The following COL5A1 variants were observed in gnomAD, a reference collection of about 807,000 sequenced individuals.
COL5A1 encodes the protein collagen alpha-1(V) chain.
In COL5A1, 16 loss-of-function variants were observed where a neutral mutation model predicts 263.7. The ratio of observed to expected loss-of-function variants is 0.06; its 90% CI spans 0.04 to 0.09. The LOEUF is 0.09. COL5A1 is among the 10% of genes least tolerant of loss of function. The pLI, the probability that COL5A1 is intolerant of heterozygous loss-of-function variation, is 1.00. For missense variants in COL5A1, 2,036 were observed against 2,540.5 expected, an observed-to-expected ratio of 0.80 and a Z score of 4.27; for synonymous variants, 1,012 against 1,004.5, an observed-to-expected ratio of 1.01 and a Z score of -0.14.
intron 36 of COL5A1, among the ~76,000 whole-genome samples, chr9:134,797,766 G>A (rs576017685): frequency 5.3e-5 from 8 of 152,214 alleles, no homozygotes; most frequent in East Asian, 1.9e-4. Flanking sequence ...TACAGCCACC[G>A]TGCCCGGAGC....
intron 46 of COL5A1, 31 bp from the exon 47 acceptor site, chr9:134,812,418 A>G (rs569649926): frequency 1.2e-6 from 2 of 1,612,188 alleles, no homozygotes; most frequent in African/African-American, 2.7e-5. Context: ...ATGACAGAAC[A>G]GCGCTTAACT....
At chr9:134,828,449 C>T (rs1333372672) in intron 63 of COL5A1, among the ~76,000 whole-genome samples, 5 of 148,378 alleles carry the variant, frequency 3.4e-5, no homozygotes, top group Non-Finnish European at 5.9e-5. Flanking sequence ...CACACACACA[C>T]ACACACGCAG....
Position 134,794,320 on chromosome 9 carries a change from T to C in COL5A1, c.2701-762T>C, listed in dbSNP as rs1837818704. ...AGCCTGGCGGCAGAGCAAGACTCTGTCTAAAAAAAAAAAAAAAGAAACAAA... is the reference window on the plus strand; with the variant it reads ...AGCCTGGCGGCAGAGCAAGACTCTGCCTAAAAAAAAAAAAAAAGAAACAAA... On this transcript the variant is annotated intron_variant, in intron 32 of 65. Coordinates refer to ENST00000371817, the MANE Select transcript of COL5A1 (RefSeq NM_000093.5). This position sits in a 1 kb window ranked among gnomAD's most constrained non-coding sequence, Gnocchi z 4.3. Among the ~76,000 whole-genome samples, 1 of 109,404 alleles carries C rather than the reference T, an allele frequency of 9.1e-6. No homozygotes were observed. Among genetic ancestry groups the C allele is most frequent in the Non-Finnish European group, 2.0e-5 (1 of 51,106 alleles). The allele number at this position is 109,404 out of a possible 152,430, so 71.8% of individuals were successfully genotyped here. A position where few individuals can be genotyped will look rare whatever the true frequency, so the allele number is the denominator to read the frequency against.
chr9:134,761,802 G>A, intron 18 of COL5A1, 123 bp from the exon 19 acceptor site: 1 of 993,972 alleles, frequency 1.0e-6, no homozygotes, highest in Non-Finnish European at 1.6e-6. Flanking sequence ...CCCCCATTCT[G>A]GAAGGGTCTT....
rs541669361 is a variant in COL5A1 at position 134,744,659 on chromosome 9, TCA to T, written c.1494+5858_1494+5859del. 1.5e-3 allele frequency among the ~76,000 whole-genome samples: 172 copies of T among 117,318 alleles called. 1 individual carries two copies. Among genetic ancestry groups the T allele is most frequent in the African/African-American group, 5.4e-3 (165 of 30,448 alleles). 77.0% of individuals were successfully genotyped at this position (117,318 alleles called of 152,430 possible). A position where few individuals can be genotyped will look rare whatever the true frequency, so the allele number is the denominator to read the frequency against. On this transcript the variant is annotated intron_variant, in intron 11 of 65. Coordinates refer to ENST00000371817, the MANE Select transcript of COL5A1 (RefSeq NM_000093.5). ...CACCCAGACATGCACACAGGTACGC[TCA>T]CACACATGCACACACATTCACACAT...
At chr9:134,644,105 G>A in intron 1 of COL5A1, among the ~76,000 whole-genome samples, 1 of 151,966 alleles carries the variant, frequency 6.6e-6, no homozygotes, top group South Asian at 2.1e-4. Flanking sequence ...AGTGAGTTTT[G>A]CCAACGTCTC....
chr9:134,763,970 C>A lies in COL5A1; in HGVS notation c.2034+233C>A, dbSNP rs1836560899. Among the ~76,000 whole-genome samples, 5 of 151,008 alleles carry A rather than the reference C, an allele frequency of 3.3e-5. No homozygotes were observed. In the South Asian group the frequency reaches 1.1e-3, roughly 32 times the overall value. On this transcript the variant is annotated intron_variant, in intron 20 of 65. Transcript: ENST00000371817. ...AGCCTGCCTACAGGAGCAAGCCTGG[C>A]CCTCAAGGGTTGTTGTGGGGGTCCA...
At chr9:134,768,743 C>T (rs1057102708) in intron 25 of COL5A1, among the ~76,000 whole-genome samples, 4 of 152,204 alleles carry the variant, frequency 2.6e-5, no homozygotes, top group East Asian at 1.9e-4. Context: ...GTCAGGCCTG[C>T]GTGCTGAGCC....
rs150603861 is a variant in COL5A1, at chr9:134,824,500, GA to G, written c.4699-98del. 3.5e-3 allele frequency: 5,240 copies of G among 1,501,784 alleles called. 154 individuals carry two copies. The African/African-American group carries it at 0.059, about 17-fold the overall frequency. The allele number at this position is 1,501,784 out of a possible 1,614,324, so 93.0% of individuals were successfully genotyped here. On this transcript the variant is annotated intron_variant, in intron 61 of 65. Coordinates refer to ENST00000371817, the MANE Select transcript of COL5A1 (RefSeq NM_000093.5). The stretch of plus-strand genomic sequence containing the variant: ...GTAGCCCAGGTTGCCAGGCCCCAGG[GA>G]ACCCCTGCAGATGTGGCCCCAGCTG...
At chr9:134,784,777 G>C (rs538456439) in intron 29 of COL5A1, among the ~76,000 whole-genome samples, 11 of 152,366 alleles carry the variant, frequency 7.2e-5, no homozygotes, top group Middle Eastern at 3.4e-3. Flanking sequence ...CTTCCGCAGA[G>C]CCCGGGAGCC....
chr9:134,786,003 C>T lies in COL5A1; in HGVS notation c.2601C>T (p.Leu867=), dbSNP rs767014646. The change falls in exon 31 of 66, where the codon CTC becomes CTT. Residue 867 remains leucine (L), a synonymous_variant. Coordinates refer to ENST00000371817, the MANE Select transcript of COL5A1 (RefSeq NM_000093.5). ...PLGPPGEKGK[L]GVPGLPGYPG... is the part of the protein sequence containing the mutation. ...ACTCTTTCTTCCCCCAGGGAAAACT[C>T]GGAGTCCCAGGGTTACCAGGGTATC... 1.5e-5 allele frequency: 25 copies of T among 1,613,190 alleles called. No individual in the cohort carries two copies. Among genetic ancestry groups the T allele is most frequent in the African/African-American group, 5.3e-5 (4 of 74,928 alleles).
intron 2 of COL5A1, among the ~76,000 whole-genome samples, chr9:134,694,232 C>T (rs1243179219): frequency 3.9e-5 from 6 of 152,364 alleles, no homozygotes; most frequent in East Asian, 1.9e-4. Flanking sequence ...CCCTGGATCA[C>T]GGGGGTGGGG....
At chr9:134,704,871 T>C (rs1833789025) in intron 4 of COL5A1, among the ~76,000 whole-genome samples, 1 of 152,058 alleles carries the variant, frequency 6.6e-6, no homozygotes, top group Non-Finnish European at 1.5e-5. Context: ...TTTTGTCTCA[T>C]TGCAAGTGGA....
intron 50 of COL5A1, among the ~76,000 whole-genome samples, 156 bp downstream of exon 50, chr9:134,815,060 C>T (rs562880682): frequency 6.6e-6 from 1 of 152,332 alleles, no homozygotes; most frequent in African/African-American, 2.4e-5. Context: ...GGTTTTCATA[C>T]CAGCTACTGA....
At chr9:134,735,442 G>T (rs527361841) in intron 9 of COL5A1, among the ~76,000 whole-genome samples, 2 of 152,204 alleles carry the variant, frequency 1.3e-5, no homozygotes, top group African/African-American at 4.8e-5. Context: ...TCTTTCGCTG[G>T]GTCAATTTTG....
At position 134,818,897 on chromosome 9, in the gene COL5A1, CCATGGTGAGTCACATTCCT is replaced by C; in HGVS notation, c.4392+6_4392+24del. The C allele has an allele frequency of 6.2e-7, 1 of 1,613,066 alleles. No homozygotes were observed. The highest frequency in any genetic ancestry group is 8.5e-7 in the Non-Finnish European group (1 of 1,179,766). ...CCAGGCCCGGACGGTCCCCCCGGCC[CCATGGTGAGTCACATTCCT>C]CATGGTGAGCATAGCGGGTGGGATG... On this transcript the variant is annotated splice_donor_variant and splice_donor_5th_base_variant and coding_sequence_variant and intron_variant, in exon 56 of 66. Coordinates refer to ENST00000371817, the MANE Select transcript of COL5A1 (RefSeq NM_000093.5). LOFTEE classifies it high-confidence loss of function. This position sits in a 1 kb window ranked among gnomAD's most constrained non-coding sequence, Gnocchi z 6.0.
At chr9:134,719,240 TAA>T (rs1435813372) in intron 4 of COL5A1, among the ~76,000 whole-genome samples, 1 of 152,198 alleles carries the variant, frequency 6.6e-6, no homozygotes, top group Non-Finnish European at 1.5e-5. Context: ...TACATATGCA[TAA>T]AAGTGTGTGC....
chr9:134,701,530 G>C (rs944305138), intron 4 of COL5A1, among the ~76,000 whole-genome samples, 197 bp downstream of exon 4: 2 of 152,244 alleles, frequency 1.3e-5, no homozygotes, highest in African/African-American at 4.8e-5. Context: ...GGCCAGAGCT[G>C]CTGCCGCCTG....
At chr9:134,839,982 G>T (rs1005680335) in intron 65 of COL5A1, among the ~76,000 whole-genome samples, 1 of 152,252 alleles carries the variant, frequency 6.6e-6, no homozygotes, top group African/African-American at 2.4e-5. Context: ...CCCCACACTC[G>T]GCATTCTGTG....
Sources: allele counts gnomAD v4.1 joint callset (sites outside exome capture counted in the v4.1 genomes callset), GRCh38; gene constraint gnomAD v4.1.1; non-coding constraint Gnocchi (gnomAD v3.1); transcripts MANE v1.5; gene names NCBI Gene and HGNC (gene_info 2026-07-23, HGNC 2026-07-21).